WDFY4: variants seen among roughly 807,000 people sequenced by gnomAD.
The protein encoded by WDFY4 is WDFY family member 4, also known as WD repeat- and FYVE domain-containing protein 4.
WDFY4 carries 169 observed loss-of-function variants against 351.9 expected under a neutral mutation model. The ratio of observed to expected loss-of-function variants is 0.48; its 90% CI spans 0.42 to 0.55. The LOEUF (loss-of-function observed/expected upper bound fraction) is 0.55, where lower values mean the gene tolerates loss of function less well. WDFY4 is among the 20% of genes least tolerant of loss of function. The pLI, the probability that WDFY4 is intolerant of heterozygous loss-of-function variation, is 0.00. For synonymous variants in WDFY4, 1,622 were observed against 1,574.6 expected, an observed-to-expected ratio of 1.03 and a Z score of -0.71; for missense variants, 3,803 against 3,935.6, an observed-to-expected ratio of 0.97 and a Z score of 0.90.
chr10:48,806,364 C>T (rs560160908), intron 27 of WDFY4, among the ~76,000 whole-genome samples: 5 of 152,336 alleles, frequency 3.3e-5, no homozygotes, highest in Non-Finnish European at 5.9e-5. Flanking sequence ...ATGTGGGATC[C>T]GGGATCCTGC....
intron 50 of WDFY4, 103 bp from the exon 51 acceptor site, chr10:48,946,757 A>G (rs1564519973): frequency 2.4e-6 from 2 of 835,580 alleles, no homozygotes; most frequent in Non-Finnish European, 3.9e-6. Context: ...ACGTCAATGA[A>G]TATATGTTTT....
chr10:48,914,242 G>T lies in WDFY4; in HGVS notation c.7586+12379G>T, dbSNP rs1838290637. 33 of 1,427,500 alleles carry T rather than the reference G, an allele frequency of 2.3e-5. No individual in the cohort carries two copies. In the East Asian group the frequency reaches 7.3e-4, roughly 32 times the overall value. The allele number at this position is 1,427,500 out of a possible 1,614,324, so 88.4% of individuals were successfully genotyped here. On this transcript the variant is annotated intron_variant, in intron 47 of 61. Transcript: ENST00000325239. ...GAAAAATCATGAAAAACTGCTGAAA[G>T]ATAAGAAAACATCTGGTTAGGAGAT...
chr10:48,935,416 C>T (rs1034107971), intron 47 of WDFY4, among the ~76,000 whole-genome samples: 1 of 152,222 alleles, frequency 6.6e-6, no homozygotes, highest in Non-Finnish European at 1.5e-5. Context: ...TGCTGTTCAC[C>T]CAGCAGTCAG....
rs192653274 is a variant in WDFY4 at position 48,693,139 on chromosome 10, G to A, written c.-18+8138G>A. On this transcript the variant is annotated intron_variant, in intron 1 of 61. Transcript: ENST00000325239. ...GTGCAGGGAGGAATTAGGCAAGGAG[G>A]GGGTTGAGTCCTATCATCAGGGCCA... is the stretch of plus-strand genomic sequence containing the variant. 3.2e-4 allele frequency among the ~76,000 whole-genome samples: 49 copies of A among 152,292 alleles called. 1 individual carries two copies. Among genetic ancestry groups the A allele is most frequent in the Admixed American group, 2.5e-3 (39 of 15,304 alleles).
intron 46 of WDFY4, among the ~76,000 whole-genome samples, chr10:48,900,745 A>G (rs1273698964): frequency 6.6e-6 from 1 of 152,228 alleles, no homozygotes; most frequent in East Asian, 1.9e-4. Flanking sequence ...AAGGAATTCC[A>G]AACAACTGAT....
intron 1 of WDFY4, among the ~76,000 whole-genome samples, chr10:48,698,471 C>T (rs1310139925): frequency 6.6e-6 from 1 of 152,162 alleles, no homozygotes; most frequent in Non-Finnish European, 1.5e-5. Flanking sequence ...GCAGCAGTGG[C>T]CTCCCGGAGG....
intron 11 of WDFY4, among the ~76,000 whole-genome samples, chr10:48,740,224 T>C (rs1047965569): frequency 5.3e-5 from 8 of 152,202 alleles, no homozygotes; most frequent in Non-Finnish European, 1.2e-4. Flanking sequence ...ATGTGTCACG[T>C]GACCAGGCAT....
chr10:48,846,389 C>T (rs2068776995), intron 39 of WDFY4, among the ~76,000 whole-genome samples: 1 of 152,184 alleles, frequency 6.6e-6, no homozygotes, highest in African/African-American at 2.4e-5. Context: ...GCCGGTGTGG[C>T]CTCCTCTGTG....
chr10:48,876,340 A>G (rs1434346411), intron 42 of WDFY4, among the ~76,000 whole-genome samples: 1 of 152,236 alleles, frequency 6.6e-6, no homozygotes, highest in Non-Finnish European at 1.5e-5. Context: ...CCCTTATCCC[A>G]GAGAGACTTT....
intron 27 of WDFY4, among the ~76,000 whole-genome samples, chr10:48,807,420 A>G (rs371855162): frequency 2.9e-4 from 44 of 152,314 alleles, no homozygotes; most frequent in African/African-American, 8.9e-4. Flanking sequence ...TTATTGTAGC[A>G]TAGACATCCA....
chr10:48,785,894 C>CA (rs1402311818), intron 19 of WDFY4, among the ~76,000 whole-genome samples: 1 of 152,076 alleles, frequency 6.6e-6, no homozygotes, highest in Non-Finnish European at 1.5e-5. Context: ...TGATAGTCTA[C>CA]AAAAAACCTT....
At chr10:48,893,473 G>A (rs1199319703) in intron 44 of WDFY4, among the ~76,000 whole-genome samples, 2 of 152,188 alleles carry the variant, frequency 1.3e-5, no homozygotes, top group African/African-American at 4.8e-5. Flanking sequence ...CATCCAACAG[G>A]CTCTTTGTGA....
intron 21 of WDFY4, 122 bp from the exon 22 acceptor site, chr10:48,789,752 T>C: frequency 2.4e-6 from 2 of 821,216 alleles, no homozygotes; most frequent in East Asian, 2.7e-5. Context: ...CATTCCATGA[T>C]CATTGCTGAT....
chr10:48,705,995 G>A (rs1402737854), intron 1 of WDFY4, among the ~76,000 whole-genome samples: 3 of 152,236 alleles, frequency 2.0e-5, no homozygotes, highest in Non-Finnish European at 1.5e-5. Context: ...TAAGCTTGCT[G>A]TTACCATGGC....
chr10:48,716,654 G>C (rs2063920465), intron 2 of WDFY4, among the ~76,000 whole-genome samples: 1 of 152,214 alleles, frequency 6.6e-6, no homozygotes, highest in Admixed American at 6.5e-5. Flanking sequence ...TGGGCCTTGG[G>C]AGATCTGGCT....
intron 39 of WDFY4, among the ~76,000 whole-genome samples, chr10:48,863,640 G>C (rs181193546): frequency 6.6e-6 from 1 of 151,340 alleles, no homozygotes; most frequent in Non-Finnish European, 1.5e-5. Flanking sequence ...TTTTCATTCT[G>C]TGGGTCTTTT....
intron 23 of WDFY4, among the ~76,000 whole-genome samples, chr10:48,795,395 A>T (rs1485336755): frequency 6.6e-6 from 1 of 150,530 alleles, no homozygotes; most frequent in Non-Finnish European, 1.5e-5. Flanking sequence ...ACACTGTTTG[A>T]TGTAAAGTGA....
At chr10:48,950,196 C>T (rs1841253382) in intron 51 of WDFY4, among the ~76,000 whole-genome samples, 1 of 152,180 alleles carries the variant, frequency 6.6e-6, no homozygotes, top group Non-Finnish European at 1.5e-5. Flanking sequence ...GAAACAATAA[C>T]TCTCCAATCG....
chr10:48,771,970 A>G (rs1427444640), intron 13 of WDFY4, among the ~76,000 whole-genome samples: 2 of 152,222 alleles, frequency 1.3e-5, no homozygotes, highest in African/African-American at 2.4e-5. Flanking sequence ...CAGGTAGTGC[A>G]TTCACAGCTT....
Sources: gnomAD v4.1 joint callset for allele counts (sites outside exome capture counted in the v4.1 genomes callset) on GRCh38, gnomAD v4.1.1 for gene constraint, MANE v1.5 for transcripts, NCBI Gene and HGNC (gene_info 2026-07-23, HGNC 2026-07-21) for gene names.